PSIP1: variants seen among roughly 807,000 people sequenced by gnomAD.
PSIP1 encodes the protein PC4 and SFRS1-interacting protein.
A neutral mutation model predicts 74.7 loss-of-function variants in PSIP1; 19 were observed. That is an observed-to-expected ratio of 0.25 (90% CI 0.18 to 0.37). The LOEUF is 0.37. PSIP1 is among the 10% of genes least tolerant of loss of function. The pLI is 1.00. For missense variants in PSIP1, 601 were observed against 614.3 expected (o/e 0.98, Z 0.23); for synonymous variants, 222 against 195.3 (o/e 1.14, Z -1.14).
intron 4 of PSIP1, among the ~76,000 whole-genome samples, chr9:15,488,796 C>T (rs992137093): frequency 4.3e-4 from 66 of 151,976 alleles, no homozygotes; most frequent in Admixed American, 1.8e-3. Context: ...CCGAGGCGGG[C>T]GGATCACAAG....
intron 6 of PSIP1, among the ~76,000 whole-genome samples, chr9:15,484,114 A>G (rs965297989): frequency 6.7e-6 from 1 of 150,154 alleles, no homozygotes; most frequent in Admixed American, 6.6e-5. Flanking sequence ...TCTGGGTGAC[A>G]GAATGAAACT....
In PSIP1 at chr9:15,486,037, G is replaced by C; in HGVS notation, c.425C>G (p.Pro142Arg). The C allele has an allele frequency of 6.2e-7, 1 of 1,609,422 alleles. No individual in the cohort carries two copies. The highest frequency in any genetic ancestry group is 8.5e-7 in the Non-Finnish European group (1 of 1,176,526). The change falls in exon 6 of 16, where the codon CCA (proline) becomes CGA (arginine). Residue 142 changes from proline to arginine, a missense_variant. Coordinates refer to ENST00000380733, the MANE Select transcript of PSIP1 (RefSeq NM_033222.5). ...CTTTCTCCCCCTTCTGGCAGCTTTT[G>C]GAGTAGTTATGTCAACTGCTTTAGT... The part of the protein sequence containing the change: ...DVTKAVDITT[P>R]KAARRGRKRK...
In PSIP1 at chr9:15,486,440, TA is replaced by T. The variant is rs537634262; in HGVS notation, c.394-373del. 1.1e-4 allele frequency among the ~76,000 whole-genome samples: 17 copies of T among 152,216 alleles called. No individual in the cohort carries two copies. In the South Asian group the frequency reaches 3.1e-3, roughly 28 times the overall value. ...ACCATTTCATTAGGCCTGGAAGGGCTAAATGAGTCATCTTTACACACAGATC... is the reference window on the plus strand; with the variant it reads ...ACCATTTCATTAGGCCTGGAAGGGCTAATGAGTCATCTTTACACACAGATC... On this transcript the variant is annotated intron_variant, in intron 5 of 15. Transcript: ENST00000380733.
chr9:15,469,159 G>A, intron 12 of PSIP1, 101 bp from the exon 13 acceptor site: 6 of 1,338,746 alleles, frequency 4.5e-6, no homozygotes, highest in Non-Finnish European at 6.3e-6. Context: ...AGTGCAAAAT[G>A]ACCAGTAATT....
At chr9:15,510,750 T>C (rs1050251873) in intron 1 of PSIP1, 67 bp downstream of exon 1, 5 of 151,600 alleles carry the variant, frequency 3.3e-5, no homozygotes, top group African/African-American at 1.2e-4. Flanking sequence ...CCGCGTCCAC[T>C]TCCCCGCTAC....
intron 3 of PSIP1, among the ~76,000 whole-genome samples, chr9:15,493,578 G>A (rs373888661): frequency 6.6e-6 from 1 of 152,170 alleles, no homozygotes; most frequent in Non-Finnish European, 1.5e-5. Flanking sequence ...ACTGCTATGA[G>A]GAAATACCCA....
intron 3 of PSIP1, among the ~76,000 whole-genome samples, chr9:15,493,587 C>T (rs1292025219): frequency 1.3e-5 from 2 of 152,122 alleles, no homozygotes; most frequent in African/African-American, 2.4e-5. Flanking sequence ...AGGAAATACC[C>T]AAGACTGGAT....
At position 15,474,417 on chromosome 9, in the gene PSIP1, T is replaced by C. The variant is rs538287562; in HGVS notation, c.630-180A>G. ...CATCCTTTTGGTATAAATTAGAAGA[T>C]AGAAGATGGGCAGATCCCTGGCTCT... On this transcript the variant is annotated intron_variant, in intron 8 of 15. Coordinates refer to ENST00000380733, the MANE Select transcript of PSIP1 (RefSeq NM_033222.5). 4.4e-4 allele frequency among the ~76,000 whole-genome samples: 67 copies of C among 152,338 alleles called. 1 individual carries two copies. Among genetic ancestry groups the C allele is most frequent in the Admixed American group, 1.9e-3 (29 of 15,284 alleles).
rs532538942 is a variant in PSIP1 at position 15,487,241 on chromosome 9, C to A, written c.289-310G>T. ...AAGATTATATGGTGACAAGGCTTGGCAATTTGGAGGATAAAAAAGACCATA... is the reference window on the plus strand; with the variant it reads ...AAGATTATATGGTGACAAGGCTTGGAAATTTGGAGGATAAAAAAGACCATA... On this transcript the variant is annotated intron_variant, in intron 4 of 15. Transcript: ENST00000380733. Among the ~76,000 whole-genome samples, 3 of 151,802 alleles carry A rather than the reference C, an allele frequency of 2.0e-5. No individual in the cohort carries two copies. In the East Asian group the frequency reaches 5.9e-4, roughly 30 times the overall value.
intron 3 of PSIP1, among the ~76,000 whole-genome samples, chr9:15,495,644 C>T (rs1176264725): frequency 1.3e-5 from 2 of 152,166 alleles, no homozygotes; most frequent in African/African-American, 4.8e-5. Context: ...ATGCGTCTAT[C>T]TTCTATGCCT....
At chr9:15,473,143 G>T (rs1388421157) in intron 9 of PSIP1, among the ~76,000 whole-genome samples, 1 of 152,152 alleles carries the variant, frequency 6.6e-6, no homozygotes, top group African/African-American at 2.4e-5. Context: ...AGATTTGCAT[G>T]ACCTGAATCT....
chr9:15,467,389 CA>C (rs1300606587), intron 14 of PSIP1, among the ~76,000 whole-genome samples: 1 of 152,070 alleles, frequency 6.6e-6, no homozygotes, highest in African/African-American at 2.4e-5. Flanking sequence ...GCAACAAAAA[CA>C]AAAAACCAAC....
At chr9:15,472,431 G>GC in intron 10 of PSIP1, 3 of 1,365,776 alleles carry the variant, frequency 2.2e-6, no homozygotes, top group Non-Finnish European at 2.8e-6. Flanking sequence ...CAGAGTGACT[G>GC]CCTCAGTCAA....
At chr9:15,468,602 G>A (rs2035727898) in intron 14 of PSIP1, 28 bp downstream of exon 14, 2 of 1,600,784 alleles carry the variant, frequency 1.2e-6, no homozygotes, top group Admixed American at 1.7e-5. Context: ...AAAAACTGGT[G>A]TGAAATTGTT....
chr9:15,504,118 A>C (rs2037472865), intron 3 of PSIP1, among the ~76,000 whole-genome samples: 1 of 152,262 alleles, frequency 6.6e-6, no homozygotes, highest in South Asian at 2.1e-4. Flanking sequence ...GCTTTTCCAA[A>C]GATAAATGGT....
chr9:15,484,317 G>C (rs2036466580), intron 6 of PSIP1, among the ~76,000 whole-genome samples: 1 of 151,156 alleles, frequency 6.6e-6, no homozygotes, highest in South Asian at 2.1e-4. Flanking sequence ...TATATATATA[G>C]GCCAGGCCCG....
intron 3 of PSIP1, among the ~76,000 whole-genome samples, chr9:15,502,510 G>GGCAGGA (rs2037394688): frequency 6.6e-6 from 1 of 152,160 alleles, no homozygotes; most frequent in Non-Finnish European, 1.5e-5. Context: ...CTGGGATCAA[G>GGCAGGA]GGATCCTCCT....
intron 4 of PSIP1, among the ~76,000 whole-genome samples, chr9:15,488,003 G>T (rs189547544): frequency 6.6e-6 from 1 of 152,146 alleles, no homozygotes; most frequent in African/African-American, 2.4e-5. Flanking sequence ...GTAAAGCATG[G>T]CACATGTGAA....
At chr9:15,470,366 A>G (rs1377016356) in intron 10 of PSIP1, among the ~76,000 whole-genome samples, 1 of 152,134 alleles carries the variant, frequency 6.6e-6, no homozygotes, top group Non-Finnish European at 1.5e-5. Context: ...ATCATTGTGC[A>G]TGTAACAAGC....
Sources: allele counts gnomAD v4.1 joint callset (sites outside exome capture counted in the v4.1 genomes callset), GRCh38; gene constraint gnomAD v4.1.1; transcripts MANE v1.5; gene names NCBI Gene and HGNC (gene_info 2026-07-23, HGNC 2026-07-21).